The following TMEM132D variants were observed in gnomAD, a reference collection of about 807,000 sequenced individuals.
The protein encoded by TMEM132D is mature OL transmembrane protein.
Under a neutral mutation model 62.3 loss-of-function variants are expected in TMEM132D, and 21 were observed. That is an observed-to-expected ratio of 0.34 (90% confidence interval 0.24 to 0.49). The LOEUF (loss-of-function observed/expected upper bound fraction) is 0.49. Ranked by LOEUF, TMEM132D falls within the 20% of genes least tolerant of loss-of-function variation. TMEM132D has a pLI of 0.99. For missense variants in TMEM132D, 1,346 were observed against 1,402.8 expected (o/e 0.96, Z 0.65); for synonymous variants, 621 against 575.6 (o/e 1.08, Z -1.13).
intron 4 of TMEM132D, among the ~76,000 whole-genome samples, chr12:129,243,937 TA>T (rs1880002671): frequency 6.6e-6 from 1 of 152,126 alleles, no homozygotes; most frequent in South Asian, 2.1e-4. Flanking sequence ...TTTTCTTTGG[TA>T]AATGAAGTGG....
At chr12:129,838,648 T>C (rs1285160948) in intron 1 of TMEM132D, among the ~76,000 whole-genome samples, 1 of 152,118 alleles carries the variant, frequency 6.6e-6, no homozygotes, top group Non-Finnish European at 1.5e-5. Context: ...TGTTAGAAAG[T>C]AATCAAAAAG....
chr12:129,543,323 T>C (rs1400797548), intron 2 of TMEM132D, among the ~76,000 whole-genome samples: 3 of 146,310 alleles, frequency 2.1e-5, no homozygotes, highest in Non-Finnish European at 4.5e-5. Flanking sequence ...GATGGATGGA[T>C]GGATGGATGG....
At chr12:129,621,951 G>A (rs996087239) in intron 2 of TMEM132D, among the ~76,000 whole-genome samples, 4 of 152,016 alleles carry the variant, frequency 2.6e-5, no homozygotes, top group African/African-American at 9.7e-5. Context: ...GCTATGGTCT[G>A]TTCTCTCCCT....
intron 3 of TMEM132D, among the ~76,000 whole-genome samples, chr12:129,468,108 T>C (rs1341164254): frequency 6.6e-6 from 1 of 152,208 alleles, no homozygotes; most frequent in Non-Finnish European, 1.5e-5. Context: ...TCAGCCACTC[T>C]GCATCTGAGG....
intron 5 of TMEM132D, among the ~76,000 whole-genome samples, chr12:129,176,711 G>T (rs1877916011): frequency 6.6e-6 from 1 of 152,206 alleles, no homozygotes; most frequent in African/African-American, 2.4e-5. Flanking sequence ...TCTTCCTGTT[G>T]GTAATTAACT....
At chr12:129,866,448 T>TG (rs1305584800) in intron 1 of TMEM132D, among the ~76,000 whole-genome samples, 31 of 22,614 alleles carry the variant, frequency 1.4e-3, no homozygotes, top group African/African-American at 4.3e-3. Context: ...TGTTGTGCGG[T>TG]GGGGGGAGGG....
intron 2 of TMEM132D, among the ~76,000 whole-genome samples, chr12:129,565,344 G>T (rs1355969818): frequency 1.3e-5 from 2 of 152,188 alleles, no homozygotes; most frequent in Admixed American, 1.3e-4. Context: ...GGGACTTAAA[G>T]AAAGAGTTTG....
In TMEM132D at chr12:129,103,845, G is replaced by C. The variant is rs930181153; in HGVS notation, c.1444-19143C>G. 1.4e-3 allele frequency among the ~76,000 whole-genome samples: 217 copies of C among 152,252 alleles called. 2 individuals carry two copies. Among genetic ancestry groups the C allele is most frequent in the Non-Finnish European group, 5.7e-4 (39 of 68,026 alleles). On this transcript the variant is annotated intron_variant, in intron 5 of 8. Transcript: ENST00000422113. Reference sequence around the variant, plus strand: ...AATCCAACTTACAAGGGAGGTGAAGGACCTCTTCAAGGAGAACTACAAACC... The same window carrying C: ...AATCCAACTTACAAGGGAGGTGAAGCACCTCTTCAAGGAGAACTACAAACC...
At chr12:129,796,223 T>C (rs1286154271) in intron 1 of TMEM132D, among the ~76,000 whole-genome samples, 3 of 152,128 alleles carry the variant, frequency 2.0e-5, no homozygotes, top group African/African-American at 2.4e-5. Flanking sequence ...GAAAACATCA[T>C]ATAAAACTCT....
At chr12:129,826,428 A>T (rs2137329586) in intron 1 of TMEM132D, among the ~76,000 whole-genome samples, 1 of 152,310 alleles carries the variant, frequency 6.6e-6, no homozygotes, top group Non-Finnish European at 1.5e-5. Flanking sequence ...ACTGCAAATG[A>T]CAAGTTCCCT....
rs149361941 is a variant in TMEM132D at position 129,827,885 on chromosome 12, T to G, written c.79+75376A>C. ...GCTGCCTGCTACAGCCACTAAGTGA[T>G]AAAACCATAATCTTCCTAAAGAAAT... On this transcript the variant is annotated intron_variant, in intron 1 of 8. Coordinates refer to ENST00000422113, the MANE Select transcript of TMEM132D (RefSeq NM_133448.3). This position sits in a 1 kb window ranked among gnomAD's most constrained non-coding sequence, Gnocchi z 9.7. Among the ~76,000 whole-genome samples, 476 of 152,300 alleles carry G rather than the reference T, an allele frequency of 3.1e-3. 5 individuals carry two copies. Among genetic ancestry groups the G allele is most frequent in the East Asian group, 0.015 (78 of 5,188 alleles).
intron 1 of TMEM132D, among the ~76,000 whole-genome samples, chr12:129,751,234 T>G (rs751671189): frequency 6.6e-6 from 1 of 152,120 alleles, no homozygotes; most frequent in South Asian, 2.1e-4. Flanking sequence ...TCAGGAAACT[T>G]ACAATCATGG....
intron 4 of TMEM132D, among the ~76,000 whole-genome samples, chr12:129,273,345 A>G (rs4759593): frequency 0.39 from 58,791 of 151,272 alleles, 11,834 homozygotes; most frequent in Admixed American, 0.49. Flanking sequence ...AAGATTTCTC[A>G]AAGAACTTAA....
chr12:129,870,661 G>A (rs1364224495), intron 1 of TMEM132D, among the ~76,000 whole-genome samples: 3 of 152,184 alleles, frequency 2.0e-5, no homozygotes, highest in African/African-American at 7.2e-5. Flanking sequence ...AGCACAGCAT[G>A]CTTTTGGTGG....
At chr12:129,896,603 T>C (rs1875144144) in intron 1 of TMEM132D, among the ~76,000 whole-genome samples, 1 of 152,188 alleles carries the variant, frequency 6.6e-6, no homozygotes, top group Non-Finnish European at 1.5e-5. Flanking sequence ...GAGATTCCCA[T>C]AAACATAAAC....
Position 129,277,456 on chromosome 12 carries a change from T to A in TMEM132D, c.1299+60178A>T, listed in dbSNP as rs1881033504. On this transcript the variant is annotated intron_variant, in intron 4 of 8. Coordinates refer to ENST00000422113, the MANE Select transcript of TMEM132D (RefSeq NM_133448.3). This position sits in a 1 kb window ranked among gnomAD's most constrained non-coding sequence, Gnocchi z 4.2. ...GATACCATTTCAACGGCTGTCCAGT[T>A]TTGAATGCTTGTACAAATGATTTTT... Among the ~76,000 whole-genome samples, 1 of 152,198 alleles carries A rather than the reference T, an allele frequency of 6.6e-6. No individual in the cohort carries two copies. The highest frequency in any genetic ancestry group is 1.5e-5 in the Non-Finnish European group (1 of 68,042).
chr12:129,092,941 C>T (rs1021891678), intron 5 of TMEM132D, among the ~76,000 whole-genome samples: 1 of 152,180 alleles, frequency 6.6e-6, no homozygotes. Flanking sequence ...GCTCATTATA[C>T]TAGGCTTATT....
intron 1 of TMEM132D, among the ~76,000 whole-genome samples, chr12:129,862,302 G>A (rs1009859405): frequency 1.2e-4 from 18 of 152,212 alleles, no homozygotes; most frequent in African/African-American, 4.3e-4. Flanking sequence ...AAATCAGGTG[G>A]AAACCTCAAA....
At chr12:129,534,845 CT>C (rs1456852271) in intron 2 of TMEM132D, among the ~76,000 whole-genome samples, 1 of 152,230 alleles carries the variant, frequency 6.6e-6, no homozygotes, top group Non-Finnish European at 1.5e-5. Context: ...TTCCTTCTCT[CT>C]GGTTTGCAGG....
Sources: allele counts gnomAD v4.1 joint callset (sites outside exome capture counted in the v4.1 genomes callset), GRCh38; gene constraint gnomAD v4.1.1; non-coding constraint Gnocchi (gnomAD v3.1); transcripts MANE v1.5; gene names NCBI Gene and HGNC (gene_info 2026-07-23, HGNC 2026-07-21).